MBTPS2: variants seen among roughly 807,000 people sequenced by gnomAD.
The protein encoded by MBTPS2 is membrane bound transcription factor peptidase, site 2, also known as membrane-bound transcription factor site-2 protease.
In MBTPS2, 2 loss-of-function variants were observed where a neutral mutation model predicts 35.4. That is an observed-to-expected ratio of 0.06 (90% CI 0.02 to 0.18). MBTPS2 has a LOEUF of 0.18. Ranked by LOEUF, MBTPS2 falls within the 10% of genes least tolerant of loss-of-function variation. MBTPS2 has a pLI of 1.00. For synonymous variants in MBTPS2, 125 were observed against 140.4 expected (o/e 0.89, Z 0.77); for missense variants, 244 against 386.5 (o/e 0.63, Z 3.09).
At chrX:21,868,339 AT>A in intron 5 of MBTPS2, 127 bp from the exon 6 acceptor site, 1 of 559,177 alleles carries the variant, frequency 1.8e-6, no homozygotes. Context: ...ATAAGTAGAT[AT>A]TTTTGCCTCA....
At chrX:21,840,148 A>G (rs1353691913) in intron 1 of MBTPS2, among the ~76,000 whole-genome samples, 5 of 112,611 alleles carry the variant, frequency 4.4e-5, no homozygotes. Context: ...TCTGCTTAGT[A>G]AAGACAGTGC....
chrX:21,862,139 T>C (rs1392786131), intron 5 of MBTPS2, among the ~76,000 whole-genome samples: 2 of 110,938 alleles, frequency 1.8e-5, no homozygotes, highest in Non-Finnish European at 3.8e-5. Flanking sequence ...CAGTACAGGG[T>C]TGTCTCCATC....
chrX:21,869,380 G>T (rs1463391528), intron 6 of MBTPS2, 118 bp from the exon 7 acceptor site: 1 of 581,326 alleles, frequency 1.7e-6, no homozygotes, highest in African/African-American at 2.2e-5. Flanking sequence ...ATTCAAAGCT[G>T]GATTATTTTC....
Position 21,852,623 on chromosome X carries a change from AT to A in MBTPS2, c.543-744del, listed in dbSNP as rs765331659. Among the ~76,000 whole-genome samples the A allele has an allele frequency of 4.6e-5, 5 of 109,087 alleles. No homozygotes were observed. In the East Asian group the frequency reaches 8.5e-4, roughly 19 times the overall value. 94.7% of individuals were successfully genotyped at this position (109,087 alleles called of 115,157 possible). On this transcript the variant is annotated intron_variant, in intron 4 of 10. Coordinates refer to ENST00000379484, the MANE Select transcript of MBTPS2 (RefSeq NM_015884.4). ...TATGTTTGTAAAAATAACTTGGGTA[AT>A]TTTTTTTTAAGTCCCAACTGCCAAG...
rs768291320 is a variant in MBTPS2, at chrX:21,878,016, C to T, written c.971-26C>T. On this transcript the variant is annotated intron_variant, in intron 7 of 10. Transcript: ENST00000379484. The stretch of plus-strand genomic sequence containing the variant: ...CAAATGTATTTTTATATAAGAGACT[C>T]TAATAAACAGTGTATTTCTCTTTAG... 33 of 993,885 alleles carry T rather than the reference C, an allele frequency of 3.3e-5. 1 individual carries two copies. In the South Asian group the frequency reaches 6.0e-4, roughly 18 times the overall value. The allele number at this position is 993,885 out of a possible 1,213,427, so 81.9% of individuals were successfully genotyped here. A position where few individuals can be genotyped will look rare whatever the true frequency, so the allele number is the denominator to read the frequency against.
chrX:21,862,796 A>T lies in MBTPS2; in HGVS notation c.671-5671A>T, dbSNP rs745491114. Among the ~76,000 whole-genome samples, 886 of 97,993 alleles carry T rather than the reference A, an allele frequency of 9.0e-3. 2 individuals carry two copies. Among genetic ancestry groups the T allele is most frequent in the Non-Finnish European group, 0.014 (684 of 48,270 alleles). The allele number at this position is 97,993 out of a possible 115,157, so 85.1% of individuals were successfully genotyped here. On this transcript the variant is annotated intron_variant, in intron 5 of 10. Transcript: ENST00000379484. ...ACTGCACTCCAGCCTGGGCGACAGA[A>T]CGAGACTCCGTCTCAAAAAACAAAA...
intron 5 of MBTPS2, among the ~76,000 whole-genome samples, chrX:21,854,553 T>C (rs1371367393): frequency 2.7e-5 from 3 of 112,043 alleles, no homozygotes; most frequent in Non-Finnish European, 5.6e-5. Flanking sequence ...AAAAGCATTA[T>C]ATTAGACATT....
intron 5 of MBTPS2, chrX:21,856,220 C>T: frequency 2.8e-6 from 1 of 359,174 alleles, no homozygotes; most frequent in Non-Finnish European, 4.8e-6. Context: ...GTTGCCTAGG[C>T]GCATGCGTCT....
chrX:21,861,354 T>G (rs1034409777), intron 5 of MBTPS2, among the ~76,000 whole-genome samples: 2 of 111,824 alleles, frequency 1.8e-5, no homozygotes, highest in Non-Finnish European at 3.8e-5. Context: ...GATGCATACT[T>G]AACTGGACGC....
chrX:21,876,833 A>G (rs1399583313), intron 7 of MBTPS2, among the ~76,000 whole-genome samples: 2 of 112,281 alleles, frequency 1.8e-5, no homozygotes, highest in Non-Finnish European at 1.9e-5. Context: ...ATTACATTGC[A>G]TATCAACTAA....
chrX:21,856,513 C>T (rs1016886887), intron 5 of MBTPS2: 1 of 1,208,797 alleles, frequency 8.3e-7, no homozygotes, highest in African/African-American at 1.7e-5. Context: ...TTCTCCATCA[C>T]ACAAGACCTG....
intron 7 of MBTPS2, among the ~76,000 whole-genome samples, chrX:21,876,471 C>T (rs766398217): frequency 9.1e-6 from 1 of 109,481 alleles, no homozygotes; most frequent in African/African-American, 3.3e-5. Context: ...AAGGCTGAGG[C>T]GGGAGAATCA....
chrX:21,846,692 C>T (rs73635552), intron 3 of MBTPS2, among the ~76,000 whole-genome samples: 2,249 of 112,099 alleles, frequency 0.02, 64 homozygotes, highest in African/African-American at 0.07. Flanking sequence ...TTAAGAGAGA[C>T]AAATAATTCT....
At chrX:21,862,958 A>G (rs1157780935) in intron 5 of MBTPS2, among the ~76,000 whole-genome samples, 1 of 60,604 alleles carries the variant, frequency 1.7e-5, no homozygotes, top group African/African-American at 6.2e-5. Flanking sequence ...ATATATATAT[A>G]TATATATATA....
intron 5 of MBTPS2, among the ~76,000 whole-genome samples, chrX:21,858,905 A>C (rs188027558): frequency 2.4e-4 from 24 of 101,502 alleles, no homozygotes; most frequent in Non-Finnish European, 4.4e-4. Context: ...AAAAAAAAAA[A>C]AGAGAAAAAG....
chrX:21,871,448 C>T (rs2147449660), intron 7 of MBTPS2: 1 of 111,897 alleles, frequency 8.9e-6, no homozygotes, highest in African/African-American at 3.2e-5. Context: ...TTCATCTAAG[C>T]AGTCCACTTT....
intron 3 of MBTPS2, among the ~76,000 whole-genome samples, chrX:21,848,265 C>A (rs1037972484): frequency 9.1e-6 from 1 of 110,134 alleles, no homozygotes; most frequent in Non-Finnish European, 1.9e-5. Flanking sequence ...ACTAAAAATA[C>A]AAAATTAGCC....
chrX:21,843,218 G>A lies in MBTPS2; in HGVS notation c.124G>A (p.Gly42Arg), dbSNP rs375900835. Residue 42 changes from glycine to arginine, a missense_variant, in exon 2 of 11, where the codon GGA becomes AGA. Transcript: ENST00000379484. The part of the protein sequence containing the change: ...HSYEDWLENN[G>R]LSISPFHIRW... ...TTATGAAGACTGGCTGGAAAACAAC[G>A]GACTGAGCATCTCCCCTTTCCACAT... The A allele has an allele frequency of 6.6e-6, 8 of 1,207,451 alleles. No homozygotes were observed. Among genetic ancestry groups the A allele is most frequent in the African/African-American group, 3.5e-5 (2 of 57,141 alleles).
intron 1 of MBTPS2, among the ~76,000 whole-genome samples, chrX:21,841,570 C>T (rs1287670542): frequency 6.3e-5 from 7 of 111,988 alleles, no homozygotes; most frequent in South Asian, 3.7e-4. Context: ...GAGGAAGAGG[C>T]GGGAGGATCG....
Sources: allele counts gnomAD v4.1 joint callset (sites outside exome capture counted in the v4.1 genomes callset), GRCh38; gene constraint gnomAD v4.1.1; transcripts MANE v1.5; gene names NCBI Gene and HGNC (gene_info 2026-07-23, HGNC 2026-07-21).